IQGAP2: variants seen among roughly 807,000 people sequenced by gnomAD.
IQGAP2 encodes ras GTPase-activating-like protein IQGAP2.
In IQGAP2, 173 loss-of-function variants were observed where a neutral mutation model predicts 201.3. That is an observed-to-expected ratio of 0.86 (90% CI 0.76 to 0.98). IQGAP2 has a LOEUF of 0.98. Ranked by LOEUF, IQGAP2 falls within the 50% of genes least tolerant of loss-of-function variation. The probability of loss-of-function intolerance (pLI) is 0.00; values close to 1 mark genes in which losing one functional copy is unlikely to be tolerated. For synonymous variants in IQGAP2, 675 were observed against 673.9 expected, an observed-to-expected ratio of 1.00 and a Z score of -0.03; for missense variants, 1,687 against 1,864.8, an observed-to-expected ratio of 0.90 and a Z score of 1.76.
chr5:76,622,995 A>C (rs915190850), intron 13 of IQGAP2, among the ~76,000 whole-genome samples: 2 of 152,216 alleles, frequency 1.3e-5, no homozygotes, highest in African/African-American at 4.8e-5. Flanking sequence ...GTTTGAATAG[A>C]GTGAATGAAC....
intron 15 of IQGAP2, among the ~76,000 whole-genome samples, chr5:76,635,015 G>A (rs1317198161): frequency 3.3e-5 from 5 of 152,164 alleles, no homozygotes; most frequent in Admixed American, 2.0e-4. Context: ...AAAAATGTAG[G>A]AATTCTACTT....
At chr5:76,537,452 G>C (rs1759688458) in intron 2 of IQGAP2, among the ~76,000 whole-genome samples, 1 of 151,754 alleles carries the variant, frequency 6.6e-6, no homozygotes, top group Admixed American at 6.6e-5. Flanking sequence ...AGACAGCTTG[G>C]CAAGTTTGAG....
At chr5:76,636,047 G>A (rs557414204) in intron 15 of IQGAP2, among the ~76,000 whole-genome samples, 5 of 152,314 alleles carry the variant, frequency 3.3e-5, no homozygotes, top group Non-Finnish European at 5.9e-5. Flanking sequence ...AAGAACAGGT[G>A]AGGGGCATTT....
intron 3 of IQGAP2, 86 bp downstream of exon 3, chr5:76,562,638 T>A (rs955524425): frequency 1.2e-5 from 15 of 1,238,182 alleles, no homozygotes; most frequent in Non-Finnish European, 1.7e-5. Context: ...ACTCTTAGTG[T>A]TTCTGTAAGG....
At chr5:76,536,065 CTTTTT>C (rs545584812) in intron 2 of IQGAP2, among the ~76,000 whole-genome samples, 1 of 123,740 alleles carries the variant, frequency 8.1e-6, no homozygotes, top group African/African-American at 3.1e-5. Context: ...GGAGCATATT[CTTTTT>C]TTTTTTTTTT....
chr5:76,647,844 CACACACAA>C (rs1432765585), intron 17 of IQGAP2, among the ~76,000 whole-genome samples: 1 of 151,644 alleles, frequency 6.6e-6, no homozygotes, highest in Non-Finnish European at 1.5e-5. Context: ...CACACACACA[CACACACAA>C]ACGAAAAAAA....
rs116139099 is a variant in IQGAP2, at chr5:76,523,603, A to G, written c.147-38793A>G. Among the ~76,000 whole-genome samples, 590 of 152,276 alleles carry G rather than the reference A, an allele frequency of 3.9e-3. 6 individuals are homozygous for G. The highest frequency in any genetic ancestry group is 0.013 in the African/African-American group (548 of 41,556). Reference sequence around the variant, plus strand: ...AAGTATAGTGTGTGGAGGAATTTCTAATCTCTTTCTGTCCAATCAGCTATG... The same window carrying G: ...AAGTATAGTGTGTGGAGGAATTTCTGATCTCTTTCTGTCCAATCAGCTATG... On this transcript the variant is annotated intron_variant, in intron 2 of 35. Coordinates refer to ENST00000274364, the MANE Select transcript of IQGAP2 (RefSeq NM_006633.5).
intron 2 of IQGAP2, among the ~76,000 whole-genome samples, chr5:76,541,454 T>A (rs762319215): frequency 6.6e-5 from 10 of 152,348 alleles, no homozygotes; most frequent in African/African-American, 1.7e-4. Flanking sequence ...GTGAGTTGTT[T>A]CCATGTTTTG....
chr5:76,423,424 C>A (rs1454143318), intron 1 of IQGAP2, among the ~76,000 whole-genome samples: 1 of 152,142 alleles, frequency 6.6e-6, no homozygotes, highest in South Asian at 2.1e-4. Context: ...AGTTCAAGAC[C>A]AGCCTGGCCA....
At chr5:76,660,615 T>G (rs1333340752) in intron 21 of IQGAP2, among the ~76,000 whole-genome samples, 1 of 152,228 alleles carries the variant, frequency 6.6e-6, no homozygotes. Context: ...GTTATCAGAT[T>G]TTTATGAATG....
chr5:76,638,033 A>G (rs1359144674), intron 16 of IQGAP2, among the ~76,000 whole-genome samples: 1 of 152,224 alleles, frequency 6.6e-6, no homozygotes, highest in Non-Finnish European at 1.5e-5. Flanking sequence ...AACTATATAA[A>G]TAGTACCTGT....
chr5:76,686,452 G>A (rs1313736548), intron 30 of IQGAP2, among the ~76,000 whole-genome samples: 1 of 151,740 alleles, frequency 6.6e-6, no homozygotes, highest in South Asian at 2.1e-4. Context: ...CCCTTTTTGA[G>A]TTCATTTTTG....
intron 13 of IQGAP2, chr5:76,615,520 A>G (rs949417559): frequency 1.3e-5 from 2 of 152,254 alleles, no homozygotes; most frequent in African/African-American, 4.8e-5. Context: ...GTTGGGCAGT[A>G]TGAAATATAC....
intron 2 of IQGAP2, among the ~76,000 whole-genome samples, chr5:76,530,821 A>G (rs1436879195): frequency 1.3e-5 from 2 of 152,244 alleles, no homozygotes; most frequent in Non-Finnish European, 2.9e-5. Context: ...TAAGAAAACA[A>G]TGTCACTTCA....
intron 2 of IQGAP2, among the ~76,000 whole-genome samples, chr5:76,477,294 T>C (rs1381304183): frequency 6.6e-6 from 1 of 152,184 alleles, no homozygotes; most frequent in Non-Finnish European, 1.5e-5. Context: ...TGCACAGTGA[T>C]CACACCACTG....
intron 2 of IQGAP2, among the ~76,000 whole-genome samples, chr5:76,515,806 A>G (rs151058540): frequency 2.6e-3 from 402 of 151,848 alleles, no homozygotes; most frequent in African/African-American, 9.4e-3. Context: ...CAAGAAAAAT[A>G]TCAGCAGGAA....
chr5:76,674,694 C>A lies in IQGAP2; in HGVS notation c.3512C>A (p.Thr1171Lys). ...TCTATGAACAATTATTTATCAGAGA[C>A]GTATCAGGAATTCAGGTGAGAGGGG... ...LSSMNNYLSE[T>K]YQEFRKYFKE... Residue 1171 changes from threonine (T) to lysine (K), a missense_variant, in exon 27 of 36, where the codon ACG (threonine) becomes AAG (lysine). Coordinates refer to ENST00000274364, the MANE Select transcript of IQGAP2 (RefSeq NM_006633.5). 3.7e-6 allele frequency: 6 copies of A among 1,612,218 alleles called. No homozygotes were observed. Among genetic ancestry groups the A allele is most frequent in the Non-Finnish European group, 5.1e-6 (6 of 1,178,322 alleles).
chr5:76,705,606 A>C lies in IQGAP2; in HGVS notation c.4615-1594A>C, dbSNP rs562393760. On this transcript the variant is annotated intron_variant, in intron 35 of 35. Transcript: ENST00000274364. ...CCCAGAGGAAAAGTGAATCTCCTCT[A>C]CACTCTAAATAGCTAAAAGTATTAT... Among the ~76,000 whole-genome samples, 4 of 152,362 alleles carry C rather than the reference A, an allele frequency of 2.6e-5. No individual in the cohort carries two copies. In the South Asian group the frequency reaches 6.2e-4, roughly 24 times the overall value.
intron 2 of IQGAP2, among the ~76,000 whole-genome samples, chr5:76,556,407 A>C (rs764606871): frequency 6.6e-5 from 10 of 152,124 alleles, no homozygotes; most frequent in Non-Finnish European, 1.5e-4. Flanking sequence ...TCACCTGTGC[A>C]AGCTCCCAGC....
Sources: allele counts gnomAD v4.1 joint callset (sites outside exome capture counted in the v4.1 genomes callset), GRCh38; gene constraint gnomAD v4.1.1; transcripts MANE v1.5; gene names NCBI Gene and HGNC (gene_info 2026-07-23, HGNC 2026-07-21).